Variants in CDH20 observed in about 807,000 individuals in gnomAD.
The protein encoded by CDH20 is cadherin 20, also known as cadherin-20.
CDH20 carries 29 observed loss-of-function variants against 74.2 expected under a neutral mutation model. The observed-to-expected ratio is 0.39, with a 90% CI of 0.29 to 0.53. The LOEUF (loss-of-function observed/expected upper bound fraction) is 0.53. Ranked by LOEUF, CDH20 falls within the 20% of genes least tolerant of loss-of-function variation. The pLI is 0.69. For synonymous variants in CDH20, 469 were observed against 405.4 expected, an observed-to-expected ratio of 1.16 and a Z score of -1.88; for missense variants, 988 against 1,048.3, an observed-to-expected ratio of 0.94 and a Z score of 0.79.
At chr18:61,454,971 G>A (rs1438876558) in intron 1 of CDH20, among the ~76,000 whole-genome samples, 2 of 152,158 alleles carry the variant, frequency 1.3e-5, no homozygotes, top group African/African-American at 4.8e-5. Context: ...GCAGGCATCT[G>A]ACTACAGGGA....
chr18:61,527,409 A>AGATAGAT (rs1912466132), intron 6 of CDH20, among the ~76,000 whole-genome samples: 1 of 151,446 alleles, frequency 6.6e-6, no homozygotes, highest in South Asian at 2.1e-4. Context: ...ATAGATAGAT[A>AGATAGAT]GATAGAATAG....
At chr18:61,483,169 A>G (rs1393871258) in intron 1 of CDH20, among the ~76,000 whole-genome samples, 1 of 152,100 alleles carries the variant, frequency 6.6e-6, no homozygotes, top group African/African-American at 2.4e-5. Context: ...GGGTCCTGTA[A>G]CCCTCATCAC....
At position 61,543,335 on chromosome 18, in the gene CDH20, A is replaced by T. The variant is rs187838360; in HGVS notation, c.1531-1692A>T. On this transcript the variant is annotated intron_variant, in intron 9 of 11. Coordinates refer to ENST00000262717, the MANE Select transcript of CDH20 (RefSeq NM_031891.4). Reference sequence around the variant, plus strand: ...GAAGCACAGCTGGCTTTTAAACAGCAGGATTGGCAAGTCTACAGGGCTGGG... The same window carrying T: ...GAAGCACAGCTGGCTTTTAAACAGCTGGATTGGCAAGTCTACAGGGCTGGG... Among the ~76,000 whole-genome samples the T allele has an allele frequency of 2.4e-4, 37 of 152,298 alleles. No homozygotes were observed. In the Middle Eastern group the frequency reaches 0.014, roughly 56 times the overall value.
intron 1 of CDH20, among the ~76,000 whole-genome samples, chr18:61,378,104 A>T (rs936723433): frequency 6.6e-6 from 1 of 152,164 alleles, no homozygotes; most frequent in Non-Finnish European, 1.5e-5. Flanking sequence ...TGAAGAACAG[A>T]TTGCTCACTA....
At chr18:61,515,795 G>A (rs1338440614) in intron 6 of CDH20, among the ~76,000 whole-genome samples, 1 of 132,368 alleles carries the variant, frequency 7.6e-6, no homozygotes, top group Non-Finnish European at 1.6e-5. Context: ...GGGGGAGGGG[G>A]GAGGGATAGC....
intron 1 of CDH20, among the ~76,000 whole-genome samples, chr18:61,384,598 C>A (rs1287356132): frequency 6.6e-6 from 1 of 152,160 alleles, no homozygotes; most frequent in Non-Finnish European, 1.5e-5. Context: ...AAATAAGTAT[C>A]TGATAGGTAA....
intron 1 of CDH20, among the ~76,000 whole-genome samples, chr18:61,394,783 G>C (rs190319766): frequency 1.3e-5 from 2 of 152,030 alleles, no homozygotes; most frequent in South Asian, 4.1e-4. Flanking sequence ...CTGCCAGAGG[G>C]CCGAGCCCAC....
At chr18:61,487,344 A>C (rs1252307964) in intron 1 of CDH20, among the ~76,000 whole-genome samples, 1 of 152,238 alleles carries the variant, frequency 6.6e-6, no homozygotes, top group Admixed American at 6.5e-5. Flanking sequence ...TTTCTGATAG[A>C]ACTGTTTTGT....
chr18:61,530,716 T>C, intron 7 of CDH20, among the ~76,000 whole-genome samples: 1 of 152,204 alleles, frequency 6.6e-6, no homozygotes, highest in East Asian at 1.9e-4. Context: ...ATCCCCTGAA[T>C]TTTTAATACA....
intron 1 of CDH20, among the ~76,000 whole-genome samples, chr18:61,442,796 CTTGGG>C (rs1481500020): frequency 2.0e-5 from 3 of 152,112 alleles, no homozygotes; most frequent in Non-Finnish European, 4.4e-5. Context: ...GACCTGCTCT[CTTGGG>C]AAGGTTAGCA....
chr18:61,473,175 T>G (rs892049180), intron 1 of CDH20, among the ~76,000 whole-genome samples: 1 of 152,232 alleles, frequency 6.6e-6, no homozygotes, highest in Middle Eastern at 3.2e-3. Context: ...TTGAAACAAC[T>G]TGGGGAAATA....
In CDH20 at chr18:61,554,741, C is replaced by A; in HGVS notation, c.*46C>A. ...CGCGTCCAAATCCAGACGTTCTCCGCGGGTGCTTCGCGGACAAGGTGCAGC... is the reference window on the plus strand; with the variant it reads ...CGCGTCCAAATCCAGACGTTCTCCGAGGGTGCTTCGCGGACAAGGTGCAGC... On this transcript the variant is annotated 3_prime_UTR_variant, in exon 12 of 12. Transcript: ENST00000262717. 6.7e-7 allele frequency: 1 copy of A among 1,488,964 alleles called. No homozygotes were observed. The highest frequency in any genetic ancestry group is 2.4e-5 in the East Asian group (1 of 40,852). 92.2% of individuals were successfully genotyped at this position (1,488,964 alleles called of 1,614,324 possible).
chr18:61,402,792 T>C (rs575966628), intron 1 of CDH20, among the ~76,000 whole-genome samples: 1 of 152,338 alleles, frequency 6.6e-6, no homozygotes, highest in East Asian at 1.9e-4. Context: ...GGGTATTTTA[T>C]GTTTCAATAT....
At chr18:61,454,764 T>C (rs1909515832) in intron 1 of CDH20, among the ~76,000 whole-genome samples, 1 of 152,268 alleles carries the variant, frequency 6.6e-6, no homozygotes, top group South Asian at 2.1e-4. Context: ...CAGTACCACC[T>C]GACTTTGTAA....
Position 61,518,642 on chromosome 18 carries a change from A to G in CDH20, c.1018-9325A>G, listed in dbSNP as rs551802493. Among the ~76,000 whole-genome samples, 18 of 151,570 alleles carry G rather than the reference A, an allele frequency of 1.2e-4. 1 individual carries two copies. Among genetic ancestry groups the G allele is most frequent in the African/African-American group, 4.4e-4 (18 of 40,938 alleles). ...CACCAACATCAAAGACCAAAGGTAG[A>G]TAAATCCATGAAGATGAGGAAAAAA... On this transcript the variant is annotated intron_variant, in intron 6 of 11. Coordinates refer to ENST00000262717, the MANE Select transcript of CDH20 (RefSeq NM_031891.4).
intron 1 of CDH20, among the ~76,000 whole-genome samples, chr18:61,344,384 T>C (rs1206877645): frequency 6.6e-6 from 1 of 152,176 alleles, no homozygotes; most frequent in African/African-American, 2.4e-5. Context: ...CTAGTTATTC[T>C]AGCCTTACTG....
intron 6 of CDH20, among the ~76,000 whole-genome samples, chr18:61,518,626 C>A (rs1912087454): frequency 6.6e-6 from 1 of 151,396 alleles, no homozygotes; most frequent in Non-Finnish European, 1.5e-5. Flanking sequence ...TCACCAACAT[C>A]AAAGACCAAA....
intron 6 of CDH20, among the ~76,000 whole-genome samples, chr18:61,520,206 C>T (rs1912147924): frequency 6.8e-6 from 1 of 147,826 alleles, no homozygotes; most frequent in African/African-American, 2.5e-5. Flanking sequence ...CTCCCAGCTA[C>T]TCGGGAGGCT....
intron 1 of CDH20, among the ~76,000 whole-genome samples, chr18:61,418,254 T>C (rs1190356540): frequency 6.6e-6 from 1 of 151,918 alleles, no homozygotes; most frequent in African/African-American, 2.4e-5. Flanking sequence ...TTAAAACATT[T>C]CTAATCCTAA....
Sources: allele counts gnomAD v4.1 joint callset (sites outside exome capture counted in the v4.1 genomes callset), GRCh38; gene constraint gnomAD v4.1.1; transcripts MANE v1.5; gene names NCBI Gene and HGNC (gene_info 2026-07-23, HGNC 2026-07-21).